The following ADAR variants were observed in gnomAD, a reference collection of about 807,000 sequenced individuals.
ADAR encodes the protein double-stranded RNA-specific adenosine deaminase.
In ADAR, 41 loss-of-function variants were observed where a neutral mutation model predicts 113.2. That is an observed-to-expected ratio of 0.36 (90% CI 0.28 to 0.47). ADAR has a LOEUF of 0.47. Among genes scored for constraint, ADAR ranks in the 20% least tolerant of loss-of-function variants. The pLI is 1.00. For missense variants in ADAR, 1,242 were observed against 1,540.9 expected, an observed-to-expected ratio of 0.81 and a Z score of 3.25; for synonymous variants, 605 against 572.6, an observed-to-expected ratio of 1.06 and a Z score of -0.81.
chr1:154,585,262 C>T lies in ADAR; in HGVS notation c.3398G>A (p.Gly1133Asp). The T allele has an allele frequency of 6.2e-7, 1 of 1,614,200 alleles. No individual in the cohort carries two copies. Among genetic ancestry groups the T allele is most frequent in the Non-Finnish European group, 8.5e-7 (1 of 1,180,040 alleles). Residue 1133 changes from glycine (G) to aspartate (D), a missense_variant, in exon 14 of 15, where the codon GGC becomes GAC. Physicochemically the swap from Gly to Asp is moderately conservative, Grantham distance 94. Transcript: ENST00000368474. ...ETSVNWCLAD[G>D]YDLEILDGTR... ...ACCGTCCAGGATCTCCAGGTCATAG[C>T]CATCAGCCAGACACCAGTTGACGCT... is the stretch of plus-strand genomic sequence containing the variant.
chr1:154,623,122 A>G (rs1042008314), intron 1 of ADAR, among the ~76,000 whole-genome samples: 15 of 152,176 alleles, frequency 9.9e-5, no homozygotes, highest in African/African-American at 3.1e-4. Context: ...ATAAACAGAT[A>G]ATTATCAAAC....
intron 12 of ADAR, 38 bp downstream of exon 12, chr1:154,586,143 G>A (rs773494953): frequency 1.9e-6 from 3 of 1,612,498 alleles, no homozygotes; most frequent in Admixed American, 1.7e-5. Context: ...GGCACAAGAA[G>A]GACAGACCAG....
intron 6 of ADAR, among the ~76,000 whole-genome samples, chr1:154,596,005 A>T (rs1373858473): frequency 6.6e-6 from 1 of 152,220 alleles, no homozygotes; most frequent in Non-Finnish European, 1.5e-5. Context: ...TACATGCTGT[A>T]CAGGTTTGTA....
chr1:154,588,634 A>G lies in ADAR; in HGVS notation c.2802T>C (p.Thr934=). Residue 934 remains threonine (T), a synonymous_variant, in exon 10 of 15, where the codon ACT becomes ACC. Coordinates refer to ENST00000368474, the MANE Select transcript of ADAR (RefSeq NM_001111.5). ...CAGGTTCAAATATACTATCCTTCGC[A>G]GTCTGGGAGTTGTATTTCATTAACT... ...YSELMKYNSQ[T]AKDSIFEPAK... 1 of 1,614,170 alleles carries G rather than the reference A, an allele frequency of 6.2e-7. No homozygotes were observed. The highest frequency in any genetic ancestry group is 8.5e-7 in the Non-Finnish European group (1 of 1,179,992).
At chr1:154,621,951 G>A (rs1698801095) in intron 1 of ADAR, among the ~76,000 whole-genome samples, 1 of 152,166 alleles carries the variant, frequency 6.6e-6, no homozygotes, top group Non-Finnish European at 1.5e-5. Context: ...AAAGAAAGGG[G>A]TATTTTTTCC....
rs1400143597 is a variant in ADAR at position 154,584,154 on chromosome 1, A to G, written c.*652T>C. ...GCTTTCCTTGCCTTGCCCGCCCTGC[A>G]GCTGGCTAAAGTGCAGGATGGGAGG... On this transcript the variant is annotated 3_prime_UTR_variant, in exon 15 of 15. Coordinates refer to ENST00000368474, the MANE Select transcript of ADAR (RefSeq NM_001111.5). 3 of 152,422 alleles carry G rather than the reference A, an allele frequency of 2.0e-5. No homozygotes were observed. Among genetic ancestry groups the G allele is most frequent in the Non-Finnish European group, 4.4e-5 (3 of 68,202 alleles). 9.4% of individuals were successfully genotyped at this position (152,422 alleles called of 1,614,324 possible). A position where few individuals can be genotyped will look rare whatever the true frequency, so the allele number is the denominator to read the frequency against.
In ADAR at chr1:154,584,171, G is replaced by C. The variant is rs990798810; in HGVS notation, c.*635C>G. 2.0e-5 allele frequency: 3 copies of C among 152,602 alleles called. No homozygotes were observed. The highest frequency in any genetic ancestry group is 4.4e-5 in the Non-Finnish European group (3 of 68,324). 9.5% of individuals were successfully genotyped at this position (152,602 alleles called of 1,614,324 possible). ...CGCCCTGCAGCTGGCTAAAGTGCAG[G>C]ATGGGAGGATGGCTGGGCATTATCT... On this transcript the variant is annotated 3_prime_UTR_variant, in exon 15 of 15. Transcript: ENST00000368474.
intron 4 of ADAR, 118 bp from the exon 5 acceptor site, chr1:154,597,385 G>A: frequency 8.1e-7 from 1 of 1,239,166 alleles, no homozygotes; most frequent in Non-Finnish European, 1.1e-6. Context: ...CATCACCTCT[G>A]TGCAGTCACA....
chr1:154,614,181 C>T (rs1208478032), intron 1 of ADAR, among the ~76,000 whole-genome samples: 1 of 152,178 alleles, frequency 6.6e-6, no homozygotes, highest in East Asian at 1.9e-4. Context: ...AATAAATGTA[C>T]ATTCAGTCGG....
At chr1:154,613,499 G>C (rs1401750694) in intron 1 of ADAR, among the ~76,000 whole-genome samples, 1 of 151,210 alleles carries the variant, frequency 6.6e-6, no homozygotes, top group East Asian at 2.0e-4. Flanking sequence ...TGGCCAGGCT[G>C]GTCGCAAACT....
intron 14 of ADAR, 30 bp from the exon 15 acceptor site, chr1:154,585,073 C>T (rs1557863293): frequency 1.3e-5 from 21 of 1,612,672 alleles, no homozygotes; most frequent in Non-Finnish European, 1.7e-5. Flanking sequence ...CATTATTCAC[C>T]TGGGACCTGT....
chr1:154,596,312 A>G (rs1697490461), intron 6 of ADAR, among the ~76,000 whole-genome samples: 1 of 151,876 alleles, frequency 6.6e-6, no homozygotes, highest in Non-Finnish European at 1.5e-5. Flanking sequence ...GTGCGATCTC[A>G]GCTCACTGCA....
intron 2 of ADAR, 77 bp downstream of exon 2, chr1:154,600,964 A>G: frequency 1.9e-6 from 3 of 1,597,818 alleles, no homozygotes; most frequent in Non-Finnish European, 2.6e-6. Flanking sequence ...AGCACTGCTC[A>G]CAAATCAGCC....
intron 6 of ADAR, among the ~76,000 whole-genome samples, chr1:154,592,277 CT>C (rs1697197456): frequency 6.6e-6 from 1 of 152,280 alleles, no homozygotes; most frequent in African/African-American, 2.4e-5. Flanking sequence ...TGGGGAAGCC[CT>C]TCCCCCTCTC....
chr1:154,588,526 T>C, intron 10 of ADAR, 25 bp downstream of exon 10: 1 of 1,612,984 alleles, frequency 6.2e-7, no homozygotes, highest in Non-Finnish European at 8.5e-7. Context: ...GGGCCCACCC[T>C]GGCAGCAACA....
chr1:154,619,031 A>G (rs1013724207), intron 1 of ADAR, among the ~76,000 whole-genome samples: 1 of 152,016 alleles, frequency 6.6e-6, no homozygotes, highest in African/African-American at 2.4e-5. Context: ...GATCGCTTGA[A>G]CCTGGGAAGC....
At chr1:154,612,387 G>A (rs1698511375), upstream of ADAR, among the ~76,000 whole-genome samples, 1 of 137,392 alleles carries the variant, frequency 7.3e-6, no homozygotes, top group Non-Finnish European at 1.5e-5. Context: ...GAGTGCAGTG[G>A]TGCAATCTTG....
Position 154,597,978 on chromosome 1 carries a change from T to TA in ADAR, c.1786-3dup, listed in dbSNP as rs1343344367. 23 of 1,613,474 alleles carry TA rather than the reference T, an allele frequency of 1.4e-5. No individual in the cohort carries two copies. The East Asian group carries it at 5.1e-4, about 36-fold the overall frequency. The stretch of plus-strand genomic sequence containing the variant: ...GGTGGGGGTCTGGGACTCTGCAGTC[T>TA]AGAGAAAATGAGAGACAAGAAGAAA... On this transcript the variant is annotated splice_polypyrimidine_tract_variant and splice_region_variant and intron_variant, in intron 3 of 14. Coordinates refer to ENST00000368474, the MANE Select transcript of ADAR (RefSeq NM_001111.5).
At chr1:154,585,676 T>G (rs553231026) in intron 13 of ADAR, 77 bp downstream of exon 13, 6 of 1,258,858 alleles carry the variant, frequency 4.8e-6, no homozygotes, top group Non-Finnish European at 5.8e-6. Context: ...TTGCCCACAG[T>G]GTACATTTTT....
Sources: allele counts gnomAD v4.1 joint callset (sites outside exome capture counted in the v4.1 genomes callset), GRCh38; gene constraint gnomAD v4.1.1; transcripts MANE v1.5; gene names NCBI Gene and HGNC (gene_info 2026-07-23, HGNC 2026-07-21).